NR3C2: variants seen among roughly 807,000 people sequenced by gnomAD.
NR3C2 encodes nuclear receptor subfamily 3 group C member 2.
A neutral mutation model predicts 86.4 loss-of-function variants in NR3C2; 15 were observed. The observed-to-expected ratio is 0.17, with a 90% CI of 0.12 to 0.27. The LOEUF is 0.27. Among genes scored for constraint, NR3C2 ranks in the 10% least tolerant of loss-of-function variants. NR3C2 has a pLI of 1.00. For synonymous variants in NR3C2, 458 were observed against 450.5 expected (o/e 1.02, Z -0.21); for missense variants, 960 against 1,195.6 (o/e 0.80, Z 2.91).
At chr4:148,362,203 G>A (rs1745872771) in intron 2 of NR3C2, among the ~76,000 whole-genome samples, 1 of 152,152 alleles carries the variant, frequency 6.6e-6, no homozygotes, top group Non-Finnish European at 1.5e-5. Flanking sequence ...AAGATTTCAG[G>A]CTGTTTGCAT....
chr4:148,302,557 G>A (rs928055410), intron 2 of NR3C2, among the ~76,000 whole-genome samples: 4 of 152,148 alleles, frequency 2.6e-5, no homozygotes, highest in African/African-American at 9.7e-5. Flanking sequence ...GGACACAACT[G>A]GAGAAACCAG....
intron 4 of NR3C2, among the ~76,000 whole-genome samples, chr4:148,175,498 T>G (rs1197752934): frequency 1.3e-5 from 2 of 152,206 alleles, no homozygotes; most frequent in East Asian, 3.8e-4. Flanking sequence ...GCTTTTGAAT[T>G]TGGCTTAAAA....
chr4:148,193,084 C>T (rs1736276433), intron 4 of NR3C2, among the ~76,000 whole-genome samples: 2 of 152,210 alleles, frequency 1.3e-5, no homozygotes, highest in South Asian at 4.1e-4. Flanking sequence ...TCTGGCCACC[C>T]TCCCGATGGA....
At chr4:148,293,316 G>A (rs982987241) in intron 2 of NR3C2, among the ~76,000 whole-genome samples, 2 of 152,102 alleles carry the variant, frequency 1.3e-5, no homozygotes, top group African/African-American at 4.8e-5. Flanking sequence ...AAATTATTTT[G>A]CTTTGGTAGT....
chr4:148,200,062 C>T (rs1012591204), intron 3 of NR3C2, among the ~76,000 whole-genome samples: 16 of 152,266 alleles, frequency 1.1e-4, no homozygotes, highest in Admixed American at 8.5e-4. Context: ...TACAGGTGTT[C>T]CACACAAAGA....
intron 2 of NR3C2, among the ~76,000 whole-genome samples, chr4:148,313,096 A>G (rs1000147549): frequency 1.3e-5 from 2 of 152,212 alleles, no homozygotes; most frequent in Admixed American, 1.3e-4. Context: ...GCAGAGAATA[A>G]GCCATACCTA....
chr4:148,215,842 C>T (rs1257751111), intron 3 of NR3C2, among the ~76,000 whole-genome samples: 4 of 145,492 alleles, frequency 2.7e-5, no homozygotes, highest in Non-Finnish European at 4.5e-5. Flanking sequence ...TGCAGTGGCT[C>T]GATCTCAGCT....
chr4:148,091,536 A>G (rs1278788900), intron 8 of NR3C2, among the ~76,000 whole-genome samples: 1 of 152,238 alleles, frequency 6.6e-6, no homozygotes, highest in Non-Finnish European at 1.5e-5. Context: ...AGATTCACAT[A>G]TCAAACATCT....
intron 3 of NR3C2, among the ~76,000 whole-genome samples, chr4:148,214,628 T>A (rs1385459681): frequency 6.6e-6 from 1 of 152,052 alleles, no homozygotes; most frequent in Non-Finnish European, 1.5e-5. Context: ...GGATCCAGCA[T>A]CTTGCCACAG....
intron 8 of NR3C2, among the ~76,000 whole-genome samples, chr4:148,096,757 G>A (rs535052333): frequency 3.9e-5 from 6 of 151,964 alleles, no homozygotes; most frequent in Admixed American, 6.6e-5. Flanking sequence ...TTTAGAATGC[G>A]GCCACACTCA....
chr4:148,137,965 G>T (rs920548190), intron 6 of NR3C2, among the ~76,000 whole-genome samples: 1 of 152,068 alleles, frequency 6.6e-6, no homozygotes, highest in Non-Finnish European at 1.5e-5. Context: ...ATGGCTTTAT[G>T]TTTCTTTTAA....
At position 148,371,284 on chromosome 4, in the gene NR3C2, AT is replaced by A. The variant is rs546716376; in HGVS notation, c.1757+63819del. Among the ~76,000 whole-genome samples the A allele has an allele frequency of 8.2e-4, 125 of 151,860 alleles. 1 individual carries two copies. Among genetic ancestry groups the A allele is most frequent in the Middle Eastern group, 3.4e-3 (1 of 294 alleles). The stretch of plus-strand genomic sequence containing the variant: ...GGAAATACTAGGTCTTATTCATTCT[AT>A]TTTTTTTGTACCCATTAACCATCTC... On this transcript the variant is annotated intron_variant, in intron 2 of 8. Coordinates refer to ENST00000358102, the MANE Select transcript of NR3C2 (RefSeq NM_000901.5).
At chr4:148,197,951 T>G (rs1736518602) in intron 3 of NR3C2, among the ~76,000 whole-genome samples, 1 of 152,068 alleles carries the variant, frequency 6.6e-6, no homozygotes, top group African/African-American at 2.4e-5. Flanking sequence ...TCGAGTTCAG[T>G]GTACCTCCTG....
intron 2 of NR3C2, among the ~76,000 whole-genome samples, chr4:148,284,236 C>G (rs948129271): frequency 9.9e-5 from 15 of 152,082 alleles, no homozygotes; most frequent in African/African-American, 2.7e-4. Flanking sequence ...AATGCTCCCC[C>G]CTCTTGCTGG....
chr4:148,095,798 A>AG (rs1298017521), intron 8 of NR3C2, among the ~76,000 whole-genome samples: 9 of 152,050 alleles, frequency 5.9e-5, no homozygotes, highest in Admixed American at 2.6e-4. Flanking sequence ...CTGGGATGGG[A>AG]GGGTGGAGGG....
intron 5 of NR3C2, among the ~76,000 whole-genome samples, chr4:148,153,824 T>A: frequency 6.6e-6 from 1 of 152,200 alleles, no homozygotes; most frequent in East Asian, 1.9e-4. Context: ...TCCAGGTCTC[T>A]TACAACTTAC....
intron 7 of NR3C2, among the ~76,000 whole-genome samples, chr4:148,119,629 T>C (rs1326558836): frequency 6.6e-6 from 1 of 151,978 alleles, no homozygotes. Context: ...CTACTAAAAA[T>C]ACAAAAATTA....
At chr4:148,214,012 AC>A (rs1353951207) in intron 3 of NR3C2, among the ~76,000 whole-genome samples, 1 of 152,206 alleles carries the variant, frequency 6.6e-6, no homozygotes, top group Non-Finnish European at 1.5e-5. Flanking sequence ...ACTAGGACTT[AC>A]CCCAGGTCAC....
chr4:148,202,355 T>C (rs1461641643), intron 3 of NR3C2, among the ~76,000 whole-genome samples: 7 of 152,206 alleles, frequency 4.6e-5, no homozygotes, highest in African/African-American at 1.7e-4. Flanking sequence ...CCTTCATTAG[T>C]ACATTTGAGA....
Sources: allele counts gnomAD v4.1 joint callset (sites outside exome capture counted in the v4.1 genomes callset), GRCh38; gene constraint gnomAD v4.1.1; transcripts MANE v1.5; gene names NCBI Gene and HGNC (gene_info 2026-07-23, HGNC 2026-07-21).